The following NSD2 variants were observed in gnomAD, a reference collection of about 807,000 sequenced individuals.
NSD2 encodes the protein histone-lysine N-methyltransferase NSD2.
A neutral mutation model predicts 139.0 loss-of-function variants in NSD2; 12 were observed. The ratio of observed to expected loss-of-function variants is 0.09; its 90% confidence interval spans 0.06 to 0.14. The LOEUF is 0.14. Ranked by LOEUF, NSD2 falls within the 10% of genes least tolerant of loss-of-function variation. The pLI is 1.00. For synonymous variants in NSD2, 669 were observed against 648.7 expected (o/e 1.03, Z -0.48); for missense variants, 1,155 against 1,745.0 (o/e 0.66, Z 6.02).
At chr4:1,930,447 T>TC (rs1412777284) in intron 5 of NSD2, among the ~76,000 whole-genome samples, 179 bp from the exon 6 acceptor site, 1 of 152,204 alleles carries the variant, frequency 6.6e-6, no homozygotes, top group Admixed American at 6.5e-5. Context: ...TTTCATTGAG[T>TC]CACAGCATCA....
chr4:1,967,345 C>T (rs1175943446), intron 18 of NSD2, among the ~76,000 whole-genome samples: 2 of 152,122 alleles, frequency 1.3e-5, no homozygotes, highest in Non-Finnish European at 2.9e-5. Context: ...TTTGGGAGGC[C>T]GAGGCCGGCA....
intron 3 of NSD2, 62 bp from the exon 4 acceptor site, chr4:1,916,809 A>G (rs748152601): frequency 4.4e-5 from 67 of 1,529,798 alleles, no homozygotes; most frequent in Non-Finnish European, 5.8e-5. Context: ...ATAGCAGTAG[A>G]TTTGACTAGT....
chr4:1,883,632 A>C (rs1161146938), intron 1 of NSD2, among the ~76,000 whole-genome samples: 1 of 121,242 alleles, frequency 8.2e-6, no homozygotes, highest in African/African-American at 3.3e-5. Context: ...CTTTGTTTCC[A>C]AAAAAAAAAA....
intron 7 of NSD2, among the ~76,000 whole-genome samples, chr4:1,936,669 A>G (rs1403590623): frequency 7.7e-6 from 1 of 130,714 alleles, no homozygotes; most frequent in Non-Finnish European, 1.5e-5. Context: ...CTCCATCTCA[A>G]AAAAAAAAAA....
At chr4:1,935,336 A>G (rs893148464) in intron 7 of NSD2, 74 bp downstream of exon 7, 20 of 1,152,850 alleles carry the variant, frequency 1.7e-5, no homozygotes, top group Non-Finnish European at 2.4e-5. Flanking sequence ...GTTTCCCTGC[A>G]TGGGAGCACA....
chr4:1,886,829 C>T (rs879302094), intron 1 of NSD2, among the ~76,000 whole-genome samples: 1 of 151,764 alleles, frequency 6.6e-6, no homozygotes. Context: ...CAGAGCGAGA[C>T]TCCATCTCAA....
chr4:1,904,535 C>T (rs1717630813), intron 3 of NSD2, among the ~76,000 whole-genome samples, 157 bp downstream of exon 3: 1 of 152,134 alleles, frequency 6.6e-6, no homozygotes, highest in Non-Finnish European at 1.5e-5. Flanking sequence ...GATGTGTTGC[C>T]ATTTCTTTTT....
intron 5 of NSD2, among the ~76,000 whole-genome samples, chr4:1,923,464 A>T (rs1720436130): frequency 1.3e-5 from 2 of 152,228 alleles, no homozygotes; most frequent in Non-Finnish European, 2.9e-5. Flanking sequence ...ATGCTGCTCA[A>T]CTGCGGCCAT....
At chr4:1,934,847 TAAAAAAAAAA>T (rs34096276) in intron 6 of NSD2, among the ~76,000 whole-genome samples, 6 of 20,708 alleles carry the variant, frequency 2.9e-4, no homozygotes, top group Admixed American at 1.4e-3. Context: ...GACTCCATCT[TAAAAAAAAAA>T]AAAAAAAAAA....
At chr4:1,945,226 G>T in intron 9 of NSD2, 1 of 1,066,904 alleles carries the variant, frequency 9.4e-7, no homozygotes, top group Non-Finnish European at 1.1e-6. Flanking sequence ...GGAACAAGAC[G>T]GGGTGGGGTG....
chr4:1,969,488 C>G (rs183495103), intron 18 of NSD2, among the ~76,000 whole-genome samples: 15 of 152,136 alleles, frequency 9.9e-5, no homozygotes, highest in African/African-American at 3.4e-4. Flanking sequence ...CCGCTTGAGC[C>G]CAGCCTGGAG....
intron 1 of NSD2, among the ~76,000 whole-genome samples, chr4:1,889,069 T>A (rs1715335886): frequency 6.6e-6 from 1 of 151,958 alleles, no homozygotes; most frequent in Non-Finnish European, 1.5e-5. Context: ...GGCTAATTTT[T>A]GTATTTTTAG....
intron 10 of NSD2, among the ~76,000 whole-genome samples, chr4:1,951,797 CTTTGA>C (rs1724298102): frequency 6.6e-6 from 1 of 152,156 alleles, no homozygotes; most frequent in African/African-American, 2.4e-5. Context: ...ATTAGGGTGC[CTTTGA>C]TTTCTGTTGA....
chr4:1,892,360 C>G (rs1715643550), intron 1 of NSD2: 2 of 152,268 alleles, frequency 1.3e-5, no homozygotes, highest in Non-Finnish European at 2.9e-5. Context: ...GAGTCCCTCC[C>G]CTCATGTTGG....
At chr4:1,945,032 C>A (rs1723474530) in intron 9 of NSD2, 1 of 1,065,864 alleles carries the variant, frequency 9.4e-7, no homozygotes, top group East Asian at 5.0e-5. Context: ...GTGTGATGTG[C>A]AGAGTCCTTG....
rs541934408 is a variant in NSD2, at chr4:1,980,607, G to T, written c.*1698G>T. On this transcript the variant is annotated 3_prime_UTR_variant, in exon 22 of 22. Coordinates refer to ENST00000508803, the MANE Select transcript of NSD2 (RefSeq NM_001042424.3). ...TGTGACCTGTAAGCGTGGGGTTCAG[G>T]GGTGTGTGGCCCTGCAGGGTCCCAC... 5.6e-5 allele frequency: 13 copies of T among 233,142 alleles called. No individual in the cohort carries two copies. The South Asian group carries it at 2.4e-3, about 42-fold the overall frequency. The allele number at this position is 233,142 out of a possible 1,614,324, so 14.4% of individuals were successfully genotyped here.
intron 15 of NSD2, among the ~76,000 whole-genome samples, chr4:1,957,103 G>C (rs1724896299): frequency 6.6e-6 from 1 of 152,182 alleles, no homozygotes; most frequent in South Asian, 2.1e-4. Flanking sequence ...AACCTTTGTG[G>C]CTGACTTGGG....
At chr4:1,977,938 C>T (rs947745079) in intron 21 of NSD2, among the ~76,000 whole-genome samples, 3 of 152,088 alleles carry the variant, frequency 2.0e-5, no homozygotes, top group Admixed American at 6.6e-5. Context: ...AGCAGCCTGG[C>T]CAACATGGTG....
chr4:1,959,124 G>A (rs1269452809), intron 16 of NSD2, among the ~76,000 whole-genome samples: 1 of 152,180 alleles, frequency 6.6e-6, no homozygotes, highest in Non-Finnish European at 1.5e-5. Context: ...GCGTTTGCTG[G>A]ACACCCTGCA....
Sources: gnomAD v4.1 joint callset for allele counts (sites outside exome capture counted in the v4.1 genomes callset) on GRCh38, gnomAD v4.1.1 for gene constraint, MANE v1.5 for transcripts, NCBI Gene and HGNC (gene_info 2026-07-23, HGNC 2026-07-21) for gene names.